The following WASHC4 variants were observed in gnomAD, a reference collection of about 807,000 sequenced individuals.
WASHC4 encodes WASH complex subunit 4.
A neutral mutation model predicts 166.6 loss-of-function variants in WASHC4; 86 were observed. That is an observed-to-expected ratio of 0.52 (90% CI 0.43 to 0.62). The LOEUF (loss-of-function observed/expected upper bound fraction) is 0.62, where lower values mean the gene tolerates loss of function less well. WASHC4 is among the 20% of genes least tolerant of loss of function. WASHC4 has a pLI of 0.00. For missense variants in WASHC4, 1,262 were observed against 1,382.4 expected (o/e 0.91, Z 1.38); for synonymous variants, 446 against 451.6 (o/e 0.99, Z 0.16).
chr12:105,123,663 CATTA>C (rs1880999793), intron 10 of WASHC4, among the ~76,000 whole-genome samples: 1 of 152,202 alleles, frequency 6.6e-6, no homozygotes, highest in Non-Finnish European at 1.5e-5. Flanking sequence ...GTCTCCATAA[CATTA>C]AAGTGCAAAA....
rs1194608939 is a variant in WASHC4, at chr12:105,167,515, C to G, written c.*584C>G. The G allele has an allele frequency of 1.3e-5, 2 of 152,738 alleles. No homozygotes were observed. Among genetic ancestry groups the G allele is most frequent in the Admixed American group, 1.3e-4 (2 of 15,298 alleles). The allele number at this position is 152,738 out of a possible 1,614,324, so 9.5% of individuals were successfully genotyped here. On this transcript the variant is annotated 3_prime_UTR_variant, in exon 33 of 33. Transcript: ENST00000332180. ...TTCATTGTTAATTTCATGTGACTCA[C>G]AAGAGCTGCTGATGTCTTTGATGAG... is the stretch of plus-strand genomic sequence containing the variant.
intron 10 of WASHC4, among the ~76,000 whole-genome samples, chr12:105,124,224 A>G (rs1881059358): frequency 6.6e-6 from 1 of 151,322 alleles, no homozygotes; most frequent in Non-Finnish European, 1.5e-5. Flanking sequence ...GGTTCAAGCA[A>G]TTCTCCTGCC....
At chr12:105,156,388 G>T (rs1884164684) in intron 26 of WASHC4, 2 of 163,862 alleles carry the variant, frequency 1.2e-5, no homozygotes, top group South Asian at 3.5e-4. Context: ...ATGTGGCGGA[G>T]ATTGAATCTC....
In WASHC4 at chr12:105,144,413, C is replaced by T. The variant is rs1422624060; in HGVS notation, c.2137C>T (p.Leu713=). ...GAAAGACCTGGCTCTTTTTTTCTCTCTGAATCCAATTCGGTTTTTCAATCG... is the reference window on the plus strand; with the variant it reads ...GAAAGACCTGGCTCTTTTTTTCTCTTTGAATCCAATTCGGTTTTTCAATCG... ...GMKDLALFFS[L]NPIRFFNRFI... Residue 713 remains leucine (L), a synonymous_variant, in exon 21 of 33, where the codon CTG becomes TTG. Coordinates refer to ENST00000332180, the MANE Select transcript of WASHC4 (RefSeq NM_015275.3). The T allele has an allele frequency of 6.2e-7, 1 of 1,613,258 alleles. No homozygotes were observed. The highest frequency in any genetic ancestry group is 1.3e-5 in the African/African-American group (1 of 74,908).
At chr12:105,129,335 C>T (rs549166221) in intron 13 of WASHC4, among the ~76,000 whole-genome samples, 4 of 152,328 alleles carry the variant, frequency 2.6e-5, no homozygotes, top group African/African-American at 7.2e-5. Flanking sequence ...TCCGCCACCT[C>T]GGCCTTCCAA....
At position 105,141,230 on chromosome 12, in the gene WASHC4, A is replaced by G. The variant is rs1347455066; in HGVS notation, c.1771A>G (p.Ser591Gly). The G allele has an allele frequency of 1.2e-6, 2 of 1,608,334 alleles. No individual in the cohort carries two copies. The highest frequency in any genetic ancestry group is 1.1e-5 in the South Asian group (1 of 90,934). Residue 591 changes from serine (S) to glycine (G), a missense_variant, in exon 18 of 33, where the codon AGT becomes GGT. Physicochemically the swap from Ser to Gly is moderately conservative, Grantham distance 56. Coordinates refer to ENST00000332180, the MANE Select transcript of WASHC4 (RefSeq NM_015275.3). ...AGTCATGAAAAAACTGGATCTTATT[A>G]GTGAACTTAGAGAACGGTAAGTAGG... ...QVVMKKLDLI[S>G]ELRERVQTQC...
At chr12:105,148,016 GT>G in intron 24 of WASHC4, 1 of 985,316 alleles carries the variant, frequency 1.0e-6, no homozygotes, top group Non-Finnish European at 1.2e-6. Flanking sequence ...AATTTACCTG[GT>G]TTTCAGAGCA....
intron 13 of WASHC4, among the ~76,000 whole-genome samples, chr12:105,131,679 A>C (rs555402496): frequency 1.2e-4 from 18 of 152,136 alleles, no homozygotes; most frequent in Non-Finnish European, 2.2e-4. Context: ...CTCCTCCTCA[A>C]AAGTGAAGGT....
At chr12:105,109,779 T>C (rs1380810522) in intron 1 of WASHC4, among the ~76,000 whole-genome samples, 2 of 151,774 alleles carry the variant, frequency 1.3e-5, no homozygotes, top group African/African-American at 4.8e-5. Flanking sequence ...CCTTAGTAGC[T>C]GGCTGATTTT....
At chr12:105,134,049 A>C in intron 14 of WASHC4, 153 bp downstream of exon 14, 1 of 675,126 alleles carries the variant, frequency 1.5e-6, no homozygotes, top group Non-Finnish European at 2.5e-6. Context: ...TATTAATTTA[A>C]ATTTTCTAAC....
intron 29 of WASHC4, among the ~76,000 whole-genome samples, 178 bp from the exon 30 acceptor site, chr12:105,162,571 G>T (rs1884563953): frequency 1.3e-5 from 2 of 152,158 alleles, no homozygotes; most frequent in South Asian, 2.1e-4. Context: ...TGTATAGATT[G>T]TATCTTCACC....
rs1437872609 is a variant in WASHC4 at position 105,161,487 on chromosome 12, T to G, written c.3061-1262T>G. On this transcript the variant is annotated intron_variant, in intron 29 of 32. Coordinates refer to ENST00000332180, the MANE Select transcript of WASHC4 (RefSeq NM_015275.3). ...TTGAAGGGCAATGTACTCAAACCAT[T>G]GTAGACAGCAGTTAACCCATTGGTA... 3.3e-5 allele frequency among the ~76,000 whole-genome samples: 5 copies of G among 152,302 alleles called. No homozygotes were observed. The East Asian group carries it at 9.6e-4, about 29-fold the overall frequency.
chr12:105,114,894 C>T (rs1880036623), intron 4 of WASHC4, among the ~76,000 whole-genome samples: 1 of 151,762 alleles, frequency 6.6e-6, no homozygotes, highest in Admixed American at 6.6e-5. Flanking sequence ...TTTTTGATAC[C>T]ATGTGGTTGC....
intron 15 of WASHC4, among the ~76,000 whole-genome samples, chr12:105,139,674 CT>C (rs1377708436): frequency 1.3e-5 from 2 of 151,268 alleles, no homozygotes; most frequent in Non-Finnish European, 2.9e-5. Context: ...CTGTTCATGT[CT>C]TTTCCATTTT....
Position 105,162,758 on chromosome 12 carries a change from T to C in WASHC4, c.3070T>C (p.Phe1024Leu). The part of the protein sequence containing the change: ...YIIVPPLTLN[F>L]VEHSISCKEK... ...TGTTACATCTTTTTAGACCCTCAAC[T>C]TTGTAGAGCATTCCATTAGTTGCAA... The change falls in exon 30 of 33, where the codon TTT becomes CTT. Residue 1024 changes from phenylalanine (F) to leucine (L), a missense_variant. By Grantham distance (22) the Phe-to-Leu change is conservative. Transcript: ENST00000332180. The C allele has an allele frequency of 6.3e-7, 1 of 1,575,670 alleles. No homozygotes were observed. The highest frequency in any genetic ancestry group is 8.7e-7 in the Non-Finnish European group (1 of 1,147,960).
rs145005987 is a variant in WASHC4, at chr12:105,108,505, CA to C, written c.61+649del. Among the ~76,000 whole-genome samples, 492 of 152,270 alleles carry C rather than the reference CA, an allele frequency of 3.2e-3. 20 individuals carry two copies. The East Asian group carries it at 0.073, about 22-fold the overall frequency. On this transcript the variant is annotated intron_variant, in intron 1 of 32. Transcript: ENST00000332180. ...GTTTCCATCGCAGTTATAAAGGCTT[CA>C]AAAATTACAGCAAATCTTCAAATTT...
At chr12:105,126,719 T>C (rs1881319866) in intron 12 of WASHC4, among the ~76,000 whole-genome samples, 1 of 152,076 alleles carries the variant, frequency 6.6e-6, no homozygotes, top group Non-Finnish European at 1.5e-5. Context: ...ATGTGGTATC[T>C]GATTTCAAAA....
chr12:105,121,806 C>T (rs963856071), intron 9 of WASHC4, among the ~76,000 whole-genome samples: 3 of 152,072 alleles, frequency 2.0e-5, no homozygotes, highest in African/African-American at 4.8e-5. Flanking sequence ...ATGCCCAGCC[C>T]GACAGTTTTT....
intron 5 of WASHC4, 56 bp from the exon 6 acceptor site, chr12:105,115,605 T>G: frequency 1.6e-6 from 2 of 1,285,668 alleles, no homozygotes; most frequent in Non-Finnish European, 2.3e-6. Flanking sequence ...TTTTTTGGTA[T>G]TGATTGAGTT....
Sources: gnomAD v4.1 joint callset for allele counts (sites outside exome capture counted in the v4.1 genomes callset) on GRCh38, gnomAD v4.1.1 for gene constraint, MANE v1.5 for transcripts, NCBI Gene and HGNC (gene_info 2026-07-23, HGNC 2026-07-21) for gene names.